ANAPC4: variants seen among roughly 807,000 people sequenced by gnomAD.
ANAPC4 encodes anaphase-promoting complex subunit 4.
In ANAPC4, 63 loss-of-function variants were observed where a neutral mutation model predicts 119.8. The observed-to-expected ratio is 0.53, with a 90% CI of 0.43 to 0.65. ANAPC4 has a LOEUF of 0.65. Among genes scored for constraint, ANAPC4 ranks in the 30% least tolerant of loss-of-function variants. ANAPC4 has a pLI of 0.00. For missense variants in ANAPC4, 716 were observed against 945.1 expected (o/e 0.76, Z 3.18); for synonymous variants, 283 against 318.6 (o/e 0.89, Z 1.19).
intron 20 of ANAPC4, 120 bp downstream of exon 20, chr4:25,407,373 A>C: frequency 3.0e-6 from 2 of 661,250 alleles, no homozygotes; most frequent in Non-Finnish European, 4.7e-6. Flanking sequence ...AAAATTAACA[A>C]AGAGCAGCAG....
chr4:25,382,950 T>G (rs971614750), intron 3 of ANAPC4, among the ~76,000 whole-genome samples: 2 of 152,242 alleles, frequency 1.3e-5, no homozygotes, highest in African/African-American at 4.8e-5. Flanking sequence ...TTGAAGCCTC[T>G]TTTGTATTTT....
chr4:25,415,835 GA>G (rs1167103019), intron 26 of ANAPC4: 2 of 273,240 alleles, frequency 7.3e-6, no homozygotes, highest in African/African-American at 4.4e-5. Context: ...CTGCAGGGCT[GA>G]AGTTCTTGTT....
chr4:25,410,281 A>G (rs1466456395), intron 21 of ANAPC4, among the ~76,000 whole-genome samples: 1 of 152,222 alleles, frequency 6.6e-6, no homozygotes, highest in Non-Finnish European at 1.5e-5. Context: ...GATGCAGCAC[A>G]TAATAGCAAC....
rs987348159 is a variant in ANAPC4, at chr4:25,415,633, T to G, written c.1901+93T>G. The G allele has an allele frequency of 2.8e-6, 3 of 1,070,718 alleles. No individual in the cohort carries two copies. The South Asian group carries it at 4.5e-5, about 16-fold the overall frequency. The allele number at this position is 1,070,718 out of a possible 1,614,324, so 66.3% of individuals were successfully genotyped here. ...ATCAGACTCAGTTACGGTGGTAATA[T>G]AGGTAAAAGGGCTTTGCCACTTCCC... On this transcript the variant is annotated intron_variant, in intron 26 of 28. Transcript: ENST00000315368.
chr4:25,386,048 G>A (rs1405675583), intron 4 of ANAPC4, among the ~76,000 whole-genome samples: 1 of 151,986 alleles, frequency 6.6e-6, no homozygotes, highest in Non-Finnish European at 1.5e-5. Flanking sequence ...AGAGTAGCTG[G>A]GATTACAGAC....
At chr4:25,394,432 A>G in intron 12 of ANAPC4, 58 bp downstream of exon 12, 1 of 1,422,126 alleles carries the variant, frequency 7.0e-7, no homozygotes, top group Non-Finnish European at 9.5e-7. Flanking sequence ...GTAATTATTT[A>G]TTTGAAAAGT....
At chr4:25,390,773 T>C in intron 8 of ANAPC4, 138 bp from the exon 9 acceptor site, 1 of 626,098 alleles carries the variant, frequency 1.6e-6, no homozygotes. Flanking sequence ...ACACCTACCT[T>C]CATCTGCTAC....
At chr4:25,389,870 T>A (rs541210526) in intron 7 of ANAPC4, among the ~76,000 whole-genome samples, 213 of 152,290 alleles carry the variant, frequency 1.4e-3, no homozygotes, top group African/African-American at 4.7e-3. Context: ...AGTGTATAAA[T>A]ATAGTTGTTA....
chr4:25,396,018 A>G (rs569565809), intron 14 of ANAPC4, among the ~76,000 whole-genome samples: 118 of 152,284 alleles, frequency 7.7e-4, no homozygotes, highest in Middle Eastern at 3.4e-3. Context: ...AGTTTCTCCA[A>G]CTTGACATTT....
intron 21 of ANAPC4, among the ~76,000 whole-genome samples, chr4:25,410,636 G>A (rs2109141741): frequency 6.6e-6 from 1 of 152,240 alleles, no homozygotes; most frequent in Non-Finnish European, 1.5e-5. Context: ...GGCAGTACAG[G>A]TTGAGCATCT....
rs536446978 is a variant in ANAPC4 at position 25,391,142 on chromosome 4, T to G, written c.705+127T>G. The G allele has an allele frequency of 2.0e-5, 13 of 641,400 alleles. No homozygotes were observed. The Middle Eastern group carries it at 1.3e-3, about 63-fold the overall frequency. The allele number at this position is 641,400 out of a possible 1,614,324, so 39.7% of individuals were successfully genotyped here. On this transcript the variant is annotated intron_variant, in intron 9 of 28. Coordinates refer to ENST00000315368, the MANE Select transcript of ANAPC4 (RefSeq NM_013367.3). The stretch of plus-strand genomic sequence containing the variant: ...TAATGCAAAAAAATCGACTTGGAAT[T>G]TCTACATCCTAATATACTGAGTGTT...
At chr4:25,383,573 C>G (rs1721867819) in intron 4 of ANAPC4, among the ~76,000 whole-genome samples, 180 bp downstream of exon 4, 1 of 151,290 alleles carries the variant, frequency 6.6e-6, no homozygotes, top group East Asian at 1.9e-4. Context: ...CGATAAACAT[C>G]TATAGGCATA....
chr4:25,392,304 G>A, intron 9 of ANAPC4, 34 bp from the exon 10 acceptor site: 5 of 1,455,634 alleles, frequency 3.4e-6, no homozygotes, highest in Non-Finnish European at 4.8e-6. Flanking sequence ...AAGTGCATCT[G>A]ATGATGACTC....
intron 20 of ANAPC4, among the ~76,000 whole-genome samples, chr4:25,407,987 ATAATT>A (rs1560445031): frequency 6.6e-6 from 1 of 152,238 alleles, no homozygotes; most frequent in Non-Finnish European, 1.5e-5. Context: ...ATTTTACAAT[ATAATT>A]TAGTTAAGAG....
chr4:25,400,901 T>G (rs1414112956), intron 16 of ANAPC4, among the ~76,000 whole-genome samples: 1 of 152,024 alleles, frequency 6.6e-6, no homozygotes, highest in African/African-American at 2.4e-5. Context: ...TGCTTGAAAT[T>G]GAGACTTAGA....
chr4:25,388,938 A>C, intron 7 of ANAPC4, 56 bp downstream of exon 7: 1 of 1,382,500 alleles, frequency 7.2e-7, no homozygotes, highest in Admixed American at 2.1e-5. Flanking sequence ...TATTTGAGGC[A>C]GTTTTCAGAA....
At chr4:25,393,696 A>T in intron 10 of ANAPC4, 109 bp from the exon 11 acceptor site, 1 of 580,594 alleles carries the variant, frequency 1.7e-6, no homozygotes. Flanking sequence ...CAGTGATTGA[A>T]AGTAAATTCT....
At chr4:25,393,935 T>A in intron 11 of ANAPC4, 44 bp downstream of exon 11, 1 of 1,452,304 alleles carries the variant, frequency 6.9e-7, no homozygotes. Flanking sequence ...AAAGAATGCA[T>A]GATGTATGTC....
chr4:25,405,666 G>T lies in ANAPC4; in HGVS notation c.1317+47G>T. 1.3e-6 allele frequency: 2 copies of T among 1,580,136 alleles called. No homozygotes were observed. Among genetic ancestry groups the T allele is most frequent in the South Asian group, 2.2e-5 (2 of 89,668 alleles). On this transcript the variant is annotated intron_variant, in intron 18 of 28. Transcript: ENST00000315368. This position sits in a 1 kb window ranked among gnomAD's most constrained non-coding sequence, Gnocchi z 4.6. Reference sequence around the variant, plus strand: ...TCACAGTGTTCACATTGTCCTGCTTGAACTCAGCTGTGCTGGTCATTTTGG... The same window carrying T: ...TCACAGTGTTCACATTGTCCTGCTTTAACTCAGCTGTGCTGGTCATTTTGG...
Sources: allele counts gnomAD v4.1 joint callset (sites outside exome capture counted in the v4.1 genomes callset), GRCh38; gene constraint gnomAD v4.1.1; non-coding constraint Gnocchi (gnomAD v3.1); transcripts MANE v1.5; gene names NCBI Gene and HGNC (gene_info 2026-07-23, HGNC 2026-07-21).